RNF43: variants seen among roughly 807,000 people sequenced by gnomAD.
RNF43 encodes the protein E3 ubiquitin-protein ligase RNF43.
Under a neutral mutation model 78.4 loss-of-function variants are expected in RNF43, and 37 were observed. The ratio of observed to expected loss-of-function variants is 0.47; its 90% CI spans 0.36 to 0.62. The LOEUF (loss-of-function observed/expected upper bound fraction) is 0.62. Among genes scored for constraint, RNF43 ranks in the 20% least tolerant of loss-of-function variants. RNF43 has a pLI of 0.00. For synonymous variants in RNF43, 347 were observed against 395.0 expected, an observed-to-expected ratio of 0.88 and a Z score of 1.44; for missense variants, 774 against 1,007.9, an observed-to-expected ratio of 0.77 and a Z score of 3.14.
chr17:58,406,028 T>C (rs1973906150), intron 2 of RNF43, among the ~76,000 whole-genome samples: 1 of 152,194 alleles, frequency 6.6e-6, no homozygotes, highest in Admixed American at 6.5e-5. Context: ...AGAGGTGATA[T>C]TGCTCTGAGA....
intron 2 of RNF43, chr17:58,395,044 T>C (rs981349528): frequency 8.5e-5 from 13 of 152,232 alleles, no homozygotes; most frequent in Admixed American, 2.6e-4. Context: ...AAGCTCCTTA[T>C]CGGTTTGCTG....
intron 2 of RNF43, among the ~76,000 whole-genome samples, chr17:58,403,809 G>T (rs1039277134): frequency 3.9e-4 from 60 of 152,150 alleles, no homozygotes; most frequent in African/African-American, 1.3e-3. Context: ...TTTAGTATAA[G>T]TATTCAGCTT....
At position 58,360,778 on chromosome 17, in the gene RNF43, C is replaced by T. The variant is rs368339942; in HGVS notation, c.849+5G>A. On this transcript the variant is annotated splice_donor_5th_base_variant and intron_variant, in intron 7 of 9. Coordinates refer to ENST00000407977, the MANE Select transcript of RNF43 (RefSeq NM_017763.6). The surrounding 1 kb of genome is among the most constrained non-coding windows in gnomAD (Gnocchi z 4.3). Reference sequence around the variant, plus strand: ...CATGGAGGTGAACCACAAGACCTGCCTTACCTGCCCCTCAGAGAACTCCTC... The same window carrying T: ...CATGGAGGTGAACCACAAGACCTGCTTTACCTGCCCCTCAGAGAACTCCTC... 6.2e-7 allele frequency: 1 copy of T among 1,608,830 alleles called. No individual in the cohort carries two copies. The highest frequency in any genetic ancestry group is 1.1e-5 in the South Asian group (1 of 90,194).
At position 58,363,265 on chromosome 17, in the gene RNF43, G is replaced by GT; in HGVS notation, c.582+9dup. ...GTGCAGGGCAAGGTCTGGAGGTCTA[G>GT]TGTGCTTACCCAGGCCGGGGGCTCC... On this transcript the variant is annotated intron_variant, in intron 5 of 9. Transcript: ENST00000407977. 1 of 1,612,922 alleles carries GT rather than the reference G, an allele frequency of 6.2e-7. No homozygotes were observed. The highest frequency in any genetic ancestry group is 8.5e-7 in the Non-Finnish European group (1 of 1,179,982).
At chr17:58,367,249 T>C (rs1419451549) in intron 3 of RNF43, among the ~76,000 whole-genome samples, 1 of 152,122 alleles carries the variant, frequency 6.6e-6, no homozygotes, top group Non-Finnish European at 1.5e-5. Context: ...TCCACCTGCC[T>C]CAGCCTCTGA....
intron 2 of RNF43, among the ~76,000 whole-genome samples, chr17:58,377,130 C>T (rs1003713663): frequency 6.6e-6 from 1 of 152,092 alleles, no homozygotes; most frequent in Non-Finnish European, 1.5e-5. Flanking sequence ...ACCTGTGTGA[C>T]CTTGGGCATG....
chr17:58,396,778 C>A (rs1973690781), intron 2 of RNF43, among the ~76,000 whole-genome samples: 1 of 152,048 alleles, frequency 6.6e-6, no homozygotes, highest in South Asian at 2.1e-4. Context: ...TGGAATACAT[C>A]TATACAATAT....
intron 2 of RNF43, among the ~76,000 whole-genome samples, chr17:58,404,143 C>G (rs1973858171): frequency 6.6e-6 from 1 of 152,302 alleles, no homozygotes; most frequent in South Asian, 2.1e-4. Context: ...GAGTCTCATG[C>G]TTAGTTCTGC....
chr17:58,358,510 T>C lies in RNF43; in HGVS notation c.1266A>G (p.Gln422=), dbSNP rs768319893. ...AAGCAGCAGGGTGCTGTGAGGTGGA[T>C]TGGAGGTGGCTCAGTCCCCAGCCTT... The part of the protein sequence containing the change: ...YAQGWGLSHL[Q]STSQHPAACP... The change falls in exon 9 of 10, where the codon CAA becomes CAG. Residue 422 remains glutamine, a synonymous_variant. Coordinates refer to ENST00000407977, the MANE Select transcript of RNF43 (RefSeq NM_017763.6). This position sits in a 1 kb window ranked among gnomAD's most constrained non-coding sequence, Gnocchi z 6.2. 6.2e-6 allele frequency: 10 copies of C among 1,613,614 alleles called. No homozygotes were observed. The highest frequency in any genetic ancestry group is 7.6e-6 in the Non-Finnish European group (9 of 1,179,742).
At chr17:58,397,659 G>A (rs1445568198) in intron 2 of RNF43, among the ~76,000 whole-genome samples, 2 of 144,808 alleles carry the variant, frequency 1.4e-5, no homozygotes, top group Non-Finnish European at 3.0e-5. Context: ...GTGAAACTCC[G>A]TCTCAAAAAA....
Position 58,415,432 on chromosome 17 carries a change from C to T in RNF43, c.146G>A (p.Arg49Lys), listed in dbSNP as rs2143695776. 1 of 1,614,230 alleles carries T rather than the reference C, an allele frequency of 6.2e-7. No homozygotes were observed. The highest frequency in any genetic ancestry group is 8.5e-7 in the Non-Finnish European group (1 of 1,180,050). ...ERSAEQKAII[R>K]VIPLKMDPTG... is the part of the protein sequence containing the mutation. Reference sequence around the variant, plus strand: ...GGGGTCCATTTTCAAGGGGATCACTCTGATAATAGCTTTCTGTTCTGCTGA... The same window carrying T: ...GGGGTCCATTTTCAAGGGGATCACTTTGATAATAGCTTTCTGTTCTGCTGA... The change falls in exon 2 of 10, where the codon AGA (arginine) becomes AAA (lysine). Residue 49 changes from arginine to lysine, a missense_variant. Physicochemically the swap from Arg to Lys is conservative, Grantham distance 26 (BLOSUM62 2). Transcript: ENST00000407977.
In RNF43 at chr17:58,360,690, G is replaced by A; in HGVS notation, c.849+93C>T. ...ACACATGGGAAACAGATGTAGCCAGGGTACCCATACCAGCCCCTAGGCCTG... is the reference window on the plus strand; with the variant it reads ...ACACATGGGAAACAGATGTAGCCAGAGTACCCATACCAGCCCCTAGGCCTG... On this transcript the variant is annotated intron_variant, in intron 7 of 9. Transcript: ENST00000407977. The surrounding 1 kb of genome is among the most constrained non-coding windows in gnomAD (Gnocchi z 4.3). 1 of 1,340,706 alleles carries A rather than the reference G, an allele frequency of 7.5e-7. No homozygotes were observed. The highest frequency in any genetic ancestry group is 1.0e-6 in the Non-Finnish European group (1 of 984,512). 83.1% of individuals were successfully genotyped at this position (1,340,706 alleles called of 1,614,324 possible).
intron 2 of RNF43, among the ~76,000 whole-genome samples, chr17:58,415,079 A>G (rs1974095829): frequency 6.6e-6 from 1 of 152,244 alleles, no homozygotes; most frequent in Non-Finnish European, 1.5e-5. Context: ...ATGTCTATCT[A>G]AGTAGTTATG....
intron 2 of RNF43, among the ~76,000 whole-genome samples, chr17:58,402,479 G>A (rs1973825304): frequency 6.6e-6 from 1 of 152,116 alleles, no homozygotes; most frequent in African/African-American, 2.4e-5. Flanking sequence ...TCTGCTCAAG[G>A]AAGGAAAGCT....
At chr17:58,380,158 TCAGCTGAGTTCTGAC>T (rs1436165098) in intron 2 of RNF43, among the ~76,000 whole-genome samples, 2 of 152,188 alleles carry the variant, frequency 1.3e-5, no homozygotes, top group Non-Finnish European at 2.9e-5. Flanking sequence ...TTCTGGGAAG[TCAGCTGAGTTCTGAC>T]CACTGTCCCA....
At position 58,358,593 on chromosome 17, in the gene RNF43, G is replaced by T. The variant is rs2143420988; in HGVS notation, c.1183C>A (p.His395Asn). Reference protein sequence around the residue: ...PRHHRFPRAAHPRAPGEQQRL... With the variant: ...PRHHRFPRAANPRAPGEQQRL... The stretch of plus-strand genomic sequence containing the variant: ...TGCTGCTCTCCTGGAGCCCGGGGAT[G>T]TGCAGCTCTGGGGAAGCGGTGATGC... The change falls in exon 9 of 10, where the codon CAT becomes AAT. Residue 395 changes from histidine (H) to asparagine (N), a missense_variant. Physicochemically the swap from His to Asn is moderately conservative, Grantham distance 68. Transcript: ENST00000407977. This position sits in a 1 kb window ranked among gnomAD's most constrained non-coding sequence, Gnocchi z 6.2. 6.3e-7 allele frequency: 1 copy of T among 1,587,124 alleles called. No individual in the cohort carries two copies. Among genetic ancestry groups the T allele is most frequent in the Non-Finnish European group, 8.6e-7 (1 of 1,165,804 alleles).
At chr17:58,415,243 G>T in intron 2 of RNF43, 83 bp downstream of exon 2, 1 of 1,441,762 alleles carries the variant, frequency 6.9e-7, no homozygotes, top group Non-Finnish European at 9.7e-7. Flanking sequence ...AGAAGCCCGT[G>T]TATGGTATTT....
intron 2 of RNF43, among the ~76,000 whole-genome samples, chr17:58,372,400 T>C (rs1442011831): frequency 6.6e-6 from 1 of 152,128 alleles, no homozygotes; most frequent in East Asian, 1.9e-4. Context: ...GAGCAAGGTT[T>C]AGTGTGGGAG....
chr17:58,378,793 C>T (rs1973257575), intron 2 of RNF43, among the ~76,000 whole-genome samples: 1 of 152,078 alleles, frequency 6.6e-6, no homozygotes, highest in South Asian at 2.1e-4. Context: ...AAATGATGTT[C>T]CAGAATCTAA....
Sources: allele counts gnomAD v4.1 joint callset (sites outside exome capture counted in the v4.1 genomes callset), GRCh38; gene constraint gnomAD v4.1.1; non-coding constraint Gnocchi (gnomAD v3.1); transcripts MANE v1.5; gene names NCBI Gene and HGNC (gene_info 2026-07-23, HGNC 2026-07-21).